The following CNTNAP5 variants were observed in gnomAD, a reference collection of about 807,000 sequenced individuals.
The protein encoded by CNTNAP5 is contactin associated protein family member 5.
In CNTNAP5, 72 loss-of-function variants were observed where a neutral mutation model predicts 150.2. The observed-to-expected ratio is 0.48, with a 90% CI of 0.40 to 0.58. The LOEUF is 0.58. Ranked by LOEUF, CNTNAP5 falls within the 20% of genes least tolerant of loss-of-function variation. The pLI is 0.00. For missense variants in CNTNAP5, 1,636 were observed against 1,626.2 expected (o/e 1.01, Z -0.10); for synonymous variants, 672 against 619.8 (o/e 1.08, Z -1.25).
chr2:124,588,145 TCC>T (rs1491543267), intron 11 of CNTNAP5, among the ~76,000 whole-genome samples: 2 of 141,054 alleles, frequency 1.4e-5, no homozygotes, highest in African/African-American at 2.6e-5. Context: ...CTTCCTTCCT[TCC>T]TTCCTTCCTT....
chr2:124,183,218 C>T (rs902137046), intron 1 of CNTNAP5, among the ~76,000 whole-genome samples: 8 of 152,012 alleles, frequency 5.3e-5, no homozygotes, highest in East Asian at 3.9e-4. Context: ...TGGTAGAATA[C>T]GGGAGCAATT....
chr2:124,047,787 T>A (rs1343220708), intron 1 of CNTNAP5, among the ~76,000 whole-genome samples: 1 of 152,176 alleles, frequency 6.6e-6, no homozygotes, highest in Non-Finnish European at 1.5e-5. Context: ...TTGCACTCCA[T>A]GGTATTTATT....
At chr2:124,840,572 A>G (rs1340811882) in intron 19 of CNTNAP5, among the ~76,000 whole-genome samples, 1 of 152,078 alleles carries the variant, frequency 6.6e-6, no homozygotes, top group Non-Finnish European at 1.5e-5. Context: ...ATCACATCAC[A>G]GAACAGGTGG....
chr2:124,481,703 G>GT (rs1167268894), intron 7 of CNTNAP5, among the ~76,000 whole-genome samples: 4 of 151,910 alleles, frequency 2.6e-5, no homozygotes, highest in African/African-American at 9.7e-5. Context: ...TTTATTAAAA[G>GT]TTGTTTCTTC....
At chr2:124,588,901 A>G (rs1558966512) in intron 11 of CNTNAP5, among the ~76,000 whole-genome samples, 2 of 151,982 alleles carry the variant, frequency 1.3e-5, no homozygotes, top group Admixed American at 6.6e-5. Context: ...GTGTTGCCCT[A>G]ATCAGACACC....
At chr2:124,520,317 A>G (rs958386476) in intron 8 of CNTNAP5, among the ~76,000 whole-genome samples, 28 of 152,238 alleles carry the variant, frequency 1.8e-4, no homozygotes, top group Non-Finnish European at 3.5e-4. Flanking sequence ...GGTGTCAAGA[A>G]CTACCTTCAC....
intron 8 of CNTNAP5, among the ~76,000 whole-genome samples, chr2:124,511,677 A>T (rs1694594556): frequency 6.6e-6 from 1 of 152,174 alleles, no homozygotes; most frequent in East Asian, 1.9e-4. Context: ...CATCAACCCA[A>T]GGCTCTTCTT....
intron 1 of CNTNAP5, among the ~76,000 whole-genome samples, chr2:124,112,697 C>T (rs1683327616): frequency 6.6e-6 from 1 of 151,968 alleles, no homozygotes; most frequent in African/African-American, 2.4e-5. Flanking sequence ...TTCAAAAGTC[C>T]CCATTATCAC....
Position 124,332,194 on chromosome 2 carries a change from A to C in CNTNAP5, c.382-85249A>C, listed in dbSNP as rs150578098. Among the ~76,000 whole-genome samples, 785 of 151,626 alleles carry C rather than the reference A, an allele frequency of 5.2e-3. 12 individuals are homozygous for C. The highest frequency in any genetic ancestry group is 0.018 in the African/African-American group (755 of 41,492). Reference sequence around the variant, plus strand: ...TGTACTAAATCCATATTTTTAAAGAACCTTTTAAAAACCTCTACATTGGAC... The same window carrying C: ...TGTACTAAATCCATATTTTTAAAGACCCTTTTAAAAACCTCTACATTGGAC... On this transcript the variant is annotated intron_variant, in intron 3 of 23. Transcript: ENST00000682447.
At chr2:124,757,190 T>C (rs1328605919) in intron 14 of CNTNAP5, among the ~76,000 whole-genome samples, 1 of 152,194 alleles carries the variant, frequency 6.6e-6, no homozygotes, top group Non-Finnish European at 1.5e-5. Flanking sequence ...TCCTTGTGAA[T>C]GTGGAACAGA....
At chr2:124,589,742 C>T (rs891191555) in intron 11 of CNTNAP5, among the ~76,000 whole-genome samples, 3 of 152,122 alleles carry the variant, frequency 2.0e-5, no homozygotes, top group African/African-American at 7.2e-5. Flanking sequence ...AGATTGTATC[C>T]TTTTTACGTG....
intron 6 of CNTNAP5, among the ~76,000 whole-genome samples, chr2:124,451,859 T>C (rs1004268289): frequency 2.0e-5 from 3 of 152,082 alleles, no homozygotes; most frequent in African/African-American, 7.2e-5. Context: ...TTTAGAAAGC[T>C]GGGCAAAATA....
intron 12 of CNTNAP5, among the ~76,000 whole-genome samples, chr2:124,625,335 A>G (rs148225405): frequency 6.6e-6 from 1 of 152,198 alleles, no homozygotes; most frequent in African/African-American, 2.4e-5. Context: ...AGAGGTTCAC[A>G]AAGCTTAGTT....
intron 6 of CNTNAP5, among the ~76,000 whole-genome samples, chr2:124,469,499 A>G (rs1456033031): frequency 2.0e-5 from 3 of 152,146 alleles, no homozygotes; most frequent in South Asian, 2.1e-4. Context: ...AATAACATAT[A>G]TTTTTACATT....
Position 124,854,749 on chromosome 2 carries a change from C to A in CNTNAP5, c.3218-10557C>A, listed in dbSNP as rs527851937. 3.3e-5 allele frequency among the ~76,000 whole-genome samples: 5 copies of A among 152,282 alleles called. No individual in the cohort carries two copies. In the East Asian group the frequency reaches 9.7e-4, roughly 29 times the overall value. The stretch of plus-strand genomic sequence containing the variant: ...CAAAGATGAATAAGCAACAATTCCT[C>A]CTAGGGGAGCTTAGATTCAAGAGGA... On this transcript the variant is annotated intron_variant, in intron 19 of 23. Coordinates refer to ENST00000682447, the MANE Select transcript of CNTNAP5 (RefSeq NM_001367498.1).
At chr2:124,833,967 C>T (rs182249031) in intron 19 of CNTNAP5, among the ~76,000 whole-genome samples, 15 of 152,268 alleles carry the variant, frequency 9.9e-5, no homozygotes, top group Non-Finnish European at 1.9e-4. Flanking sequence ...ATTACTCTGG[C>T]ATGCAGAAAT....
intron 3 of CNTNAP5, among the ~76,000 whole-genome samples, chr2:124,265,801 T>A (rs1376898041): frequency 6.6e-6 from 1 of 151,590 alleles, no homozygotes; most frequent in African/African-American, 2.4e-5. Context: ...ACAAAATTAA[T>A]GGGCCTTCAC....
chr2:124,136,982 C>T (rs1259003905), intron 1 of CNTNAP5, among the ~76,000 whole-genome samples: 1 of 152,164 alleles, frequency 6.6e-6, no homozygotes, highest in Non-Finnish European at 1.5e-5. Context: ...AGAAGTGTGA[C>T]CTCTCTAACC....
intron 3 of CNTNAP5, among the ~76,000 whole-genome samples, chr2:124,243,081 T>A (rs1411283779): frequency 6.6e-6 from 1 of 152,180 alleles, no homozygotes; most frequent in East Asian, 1.9e-4. Context: ...GGTGAAAGGC[T>A]GTCAGCAAAT....
Sources: allele counts gnomAD v4.1 joint callset (sites outside exome capture counted in the v4.1 genomes callset), GRCh38; gene constraint gnomAD v4.1.1; transcripts MANE v1.5; gene names NCBI Gene and HGNC (gene_info 2026-07-23, HGNC 2026-07-21).